The following SLC25A37 variants were observed in gnomAD, a reference collection of about 807,000 sequenced individuals.
SLC25A37 encodes the protein mitoferrin-1.
In SLC25A37, 17 loss-of-function variants were observed where a neutral mutation model predicts 31.0. The ratio of observed to expected loss-of-function variants is 0.55; its 90% CI spans 0.38 to 0.82. SLC25A37 has a LOEUF of 0.82. SLC25A37 is among the 40% of genes least tolerant of loss of function. The probability of loss-of-function intolerance (pLI) is 0.00; values close to 1 mark genes in which losing one functional copy is unlikely to be tolerated. For synonymous variants in SLC25A37, 222 were observed against 193.0 expected, an observed-to-expected ratio of 1.15 and a Z score of -1.24; for missense variants, 404 against 465.8, an observed-to-expected ratio of 0.87 and a Z score of 1.22.
At position 23,573,640 on chromosome 8, in the gene SLC25A37, A is replaced by C. The variant is rs1291237683; in HGVS notation, c.*1785A>C. ...ATGCACACAGTGCCTTGGGGAGTAG[A>C]TTTTGCCCTAATAGCGATGAAGAAT... is the stretch of plus-strand genomic sequence containing the variant. On this transcript the variant is annotated 3_prime_UTR_variant, in exon 4 of 4. Coordinates refer to ENST00000519973, the MANE Select transcript of SLC25A37 (RefSeq NM_016612.4). The C allele has an allele frequency of 2.6e-6, 1 of 377,484 alleles. No homozygotes were observed. The highest frequency in any genetic ancestry group is 5.5e-6 in the Non-Finnish European group (1 of 182,580). 23.4% of individuals were successfully genotyped at this position (377,484 alleles called of 1,614,324 possible).
At chr8:23,540,517 C>G (rs1316294042) in intron 1 of SLC25A37, among the ~76,000 whole-genome samples, 1 of 152,180 alleles carries the variant, frequency 6.6e-6, no homozygotes, top group Non-Finnish European at 1.5e-5. Flanking sequence ...GCAAGTACTC[C>G]AGCAAGCAAG....
intron 1 of SLC25A37, among the ~76,000 whole-genome samples, chr8:23,532,607 G>A (rs890549906): frequency 1.3e-5 from 2 of 152,176 alleles, no homozygotes; most frequent in South Asian, 2.1e-4. Flanking sequence ...TGAAGCCGGG[G>A]GACTTCCGCT....
At chr8:23,564,286 A>C (rs1283061085) in intron 1 of SLC25A37, among the ~76,000 whole-genome samples, 2 of 152,066 alleles carry the variant, frequency 1.3e-5, no homozygotes, top group African/African-American at 4.8e-5. Context: ...GCCCTGGGGT[A>C]CCTGGGGCTC....
At chr8:23,542,676 G>A (rs1164127380) in intron 1 of SLC25A37, among the ~76,000 whole-genome samples, 2 of 110,518 alleles carry the variant, frequency 1.8e-5, no homozygotes, top group Non-Finnish European at 3.5e-5. Flanking sequence ...ACCGCCCCTG[G>A]CCTTTTTTTT....
Position 23,559,362 on chromosome 8 carries a change from T to TGC in SLC25A37, c.211-6736_211-6735dup, listed in dbSNP as rs201664347. Among the ~76,000 whole-genome samples the TGC allele has an allele frequency of 6.9e-4, 104 of 151,362 alleles. No individual in the cohort carries two copies. The East Asian group carries it at 8.0e-3, about 12-fold the overall frequency. ...TTGTGTGTGTGTGTGTGCGTGTGTG[T>TGC]GCGCGCGCGCGTGTGTGTGTTTATT... On this transcript the variant is annotated intron_variant, in intron 1 of 3. Coordinates refer to ENST00000519973, the MANE Select transcript of SLC25A37 (RefSeq NM_016612.4).
chr8:23,539,115 G>T (rs1801837886), intron 1 of SLC25A37, among the ~76,000 whole-genome samples: 1 of 152,182 alleles, frequency 6.6e-6, no homozygotes, highest in Non-Finnish European at 1.5e-5. Flanking sequence ...ACTAAGAGGT[G>T]TTATGGTTTC....
chr8:23,550,587 G>A (rs936939950), intron 1 of SLC25A37, among the ~76,000 whole-genome samples: 13 of 152,268 alleles, frequency 8.5e-5, no homozygotes, highest in African/African-American at 3.1e-4. Context: ...ATGGGTTTCT[G>A]AGGTGCCTGG....
At chr8:23,567,369 CT>C (rs1001810343) in intron 2 of SLC25A37, 22 of 152,210 alleles carry the variant, frequency 1.4e-4, no homozygotes, top group African/African-American at 5.3e-4. Flanking sequence ...TGACCTACCC[CT>C]GATTCTATGA....
intron 1 of SLC25A37, among the ~76,000 whole-genome samples, chr8:23,536,849 G>T (rs894736736): frequency 2.0e-5 from 3 of 152,098 alleles, no homozygotes; most frequent in African/African-American, 7.2e-5. Context: ...TACTGCCTTG[G>T]TTCAGGGACC....
intron 1 of SLC25A37, among the ~76,000 whole-genome samples, chr8:23,544,313 C>A (rs1229475360): frequency 6.6e-6 from 1 of 152,136 alleles, no homozygotes; most frequent in African/African-American, 2.4e-5. Flanking sequence ...GGTAGCTATC[C>A]CCTCTCAATT....
At position 23,572,026 on chromosome 8, in the gene SLC25A37, G is replaced by A; in HGVS notation, c.*171G>A. ...CGGCACGGCCGCTCACCGGAAGGCT[G>A]TGTGCGGGGACATCCGAGGTGGTGG... On this transcript the variant is annotated 3_prime_UTR_variant, in exon 4 of 4. Transcript: ENST00000519973. 1 of 726,914 alleles carries A rather than the reference G, an allele frequency of 1.4e-6. No homozygotes were observed. The highest frequency in any genetic ancestry group is 2.2e-6 in the Non-Finnish European group (1 of 449,970). The allele number at this position is 726,914 out of a possible 1,614,324, so 45.0% of individuals were successfully genotyped here.
intron 1 of SLC25A37, among the ~76,000 whole-genome samples, chr8:23,534,944 T>A (rs1473833603): frequency 6.6e-6 from 1 of 152,100 alleles, no homozygotes; most frequent in Non-Finnish European, 1.5e-5. Flanking sequence ...ACAGATCCCG[T>A]CCTCACCCTG....
intron 1 of SLC25A37, among the ~76,000 whole-genome samples, chr8:23,546,328 G>A (rs921896146): frequency 3.3e-5 from 5 of 151,394 alleles, no homozygotes; most frequent in African/African-American, 9.7e-5. Flanking sequence ...ATAAATAAAA[G>A]AACAGAAAAT....
chr8:23,546,526 TA>T (rs2117407845), intron 1 of SLC25A37, among the ~76,000 whole-genome samples: 1 of 51,772 alleles, frequency 1.9e-5, no homozygotes, highest in African/African-American at 1.5e-4. Flanking sequence ...TATATATATA[TA>T]GGTGTATATA....
chr8:23,552,992 G>A (rs1802268493), intron 1 of SLC25A37, among the ~76,000 whole-genome samples: 1 of 152,206 alleles, frequency 6.6e-6, no homozygotes, highest in Non-Finnish European at 1.5e-5. Flanking sequence ...CATACTCTAG[G>A]TGCCTGGATA....
rs1391501493 is a variant in SLC25A37, at chr8:23,571,584, C to T, written c.746C>T (p.Ala249Val). Reference protein sequence around the residue: ...ISGGLAGALAAAATTPLDVCK... With the variant: ...ISGGLAGALAVAATTPLDVCK... The stretch of plus-strand genomic sequence containing the variant: ...GGCGGGCTGGCCGGGGCCCTCGCCG[C>T]GGCCGCCACGACCCCCCTGGACGTC... Residue 249 changes from alanine to valine, a missense_variant, in exon 4 of 4, where the codon GCG (alanine) becomes GTG (valine). This residue lies in a region of SLC25A37 where 243 missense variants were observed against 284.4 expected (regional missense o/e 0.85). Coordinates refer to ENST00000519973, the MANE Select transcript of SLC25A37 (RefSeq NM_016612.4). 1.3e-5 allele frequency: 21 copies of T among 1,613,576 alleles called. No homozygotes were observed. Among genetic ancestry groups the T allele is most frequent in the Middle Eastern group, 3.3e-4 (2 of 6,082 alleles).
intron 1 of SLC25A37, among the ~76,000 whole-genome samples, chr8:23,546,292 T>G (rs1802035709): frequency 6.6e-6 from 1 of 151,738 alleles, no homozygotes; most frequent in Non-Finnish European, 1.5e-5. Context: ...CAGAGCAAGA[T>G]CCTGTCTCTA....
intron 1 of SLC25A37, among the ~76,000 whole-genome samples, chr8:23,533,794 G>A (rs184658907): frequency 2.4e-4 from 36 of 152,280 alleles, no homozygotes; most frequent in Admixed American, 1.6e-3. Context: ...ATCCATGCTG[G>A]CCACAGACAT....
intron 2 of SLC25A37, chr8:23,566,995 G>C (rs1346154659): frequency 4.2e-6 from 1 of 236,286 alleles, no homozygotes; most frequent in Non-Finnish European, 6.9e-6. Flanking sequence ...GCGGGGTGGG[G>C]GGGTGCAAAT....
Sources: allele counts gnomAD v4.1 joint callset (sites outside exome capture counted in the v4.1 genomes callset), GRCh38; gene constraint gnomAD v4.1.1; regional missense constraint gnomAD v4.1.1; transcripts MANE v1.5; gene names NCBI Gene and HGNC (gene_info 2026-07-23, HGNC 2026-07-21).